The following SGCZ variants were observed in gnomAD, a reference collection of about 807,000 sequenced individuals.
SGCZ encodes sarcoglycan zeta.
Under a neutral mutation model 41.3 loss-of-function variants are expected in SGCZ, and 40 were observed. The observed-to-expected ratio is 0.97, with a 90% CI of 0.75 to 1.26. The LOEUF is 1.26. Among genes scored for constraint, SGCZ ranks in the 50% most tolerant of loss-of-function variants. SGCZ has a pLI of 0.00. For synonymous variants in SGCZ, 206 were observed against 137.5 expected, an observed-to-expected ratio of 1.50 and a Z score of -3.49; for missense variants, 552 against 369.8, an observed-to-expected ratio of 1.49 and a Z score of -4.04.
intron 1 of SGCZ, among the ~76,000 whole-genome samples, chr8:14,755,656 T>G (rs1250904683): frequency 1.3e-5 from 2 of 152,168 alleles, no homozygotes; most frequent in African/African-American, 2.4e-5. Context: ...GGTGTAGAAT[T>G]AGATATACAT....
At chr8:14,244,845 CTT>C (rs2117189230) in intron 3 of SGCZ, among the ~76,000 whole-genome samples, 1 of 152,210 alleles carries the variant, frequency 6.6e-6, no homozygotes, top group South Asian at 2.1e-4. Context: ...ATTTTATTCT[CTT>C]TGAAGCAATT....
chr8:14,870,459 A>G (rs538698027), intron 1 of SGCZ, among the ~76,000 whole-genome samples: 3 of 152,276 alleles, frequency 2.0e-5, no homozygotes, highest in Non-Finnish European at 4.4e-5. Flanking sequence ...GGACTTAAAC[A>G]TAAGACTTAA....
chr8:14,787,822 GACA>G (rs1400031098), intron 1 of SGCZ, among the ~76,000 whole-genome samples: 2 of 151,702 alleles, frequency 1.3e-5, no homozygotes, highest in Non-Finnish European at 2.9e-5. Context: ...CTCCAGCCTG[GACA>G]ACAACAGTGA....
chr8:14,868,873 C>T (rs1302707136), intron 1 of SGCZ, among the ~76,000 whole-genome samples: 1 of 152,024 alleles, frequency 6.6e-6, no homozygotes. Flanking sequence ...CACACACCCT[C>T]CCAAGGCTAA....
At chr8:14,553,079 A>T (rs1050469968) in intron 2 of SGCZ, among the ~76,000 whole-genome samples, 2 of 152,086 alleles carry the variant, frequency 1.3e-5, no homozygotes, top group African/African-American at 4.8e-5. Flanking sequence ...TGCTATTTAA[A>T]GCAGGACAAA....
chr8:14,700,616 T>G (rs1809104791), intron 1 of SGCZ, among the ~76,000 whole-genome samples: 1 of 151,946 alleles, frequency 6.6e-6, no homozygotes, highest in African/African-American at 2.4e-5. Flanking sequence ...AAAATAAAAG[T>G]TGATTCAAAA....
chr8:14,361,703 C>T (rs756896814), intron 2 of SGCZ, among the ~76,000 whole-genome samples: 17 of 152,192 alleles, frequency 1.1e-4, no homozygotes, highest in Non-Finnish European at 2.4e-4. Context: ...ACCCATTCTC[C>T]GTCCAGTTTT....
chr8:14,224,288 C>T (rs867457666), intron 4 of SGCZ, among the ~76,000 whole-genome samples: 51 of 151,818 alleles, frequency 3.4e-4, no homozygotes, highest in African/African-American at 1.2e-3. Flanking sequence ...ATGGAAATAC[C>T]AAGGGTAGAA....
intron 1 of SGCZ, among the ~76,000 whole-genome samples, chr8:15,073,092 G>T (rs946823067): frequency 6.6e-6 from 1 of 152,086 alleles, no homozygotes; most frequent in African/African-American, 2.4e-5. Flanking sequence ...ATGTCAGCAT[G>T]GGCTTCATGT....
chr8:14,567,340 A>G (rs1410255500), intron 1 of SGCZ, among the ~76,000 whole-genome samples: 2 of 152,116 alleles, frequency 1.3e-5, no homozygotes, highest in Non-Finnish European at 2.9e-5. Flanking sequence ...ATGTCTAGCT[A>G]AGGGATTGTG....
chr8:14,726,932 C>T (rs1026636654), intron 1 of SGCZ, among the ~76,000 whole-genome samples: 3 of 151,714 alleles, frequency 2.0e-5, no homozygotes, highest in Non-Finnish European at 4.4e-5. Context: ...ATGAGCTTCA[C>T]GAATCATGAA....
At chr8:14,950,138 T>G (rs575297583) in intron 1 of SGCZ, among the ~76,000 whole-genome samples, 1 of 152,188 alleles carries the variant, frequency 6.6e-6, no homozygotes, top group Admixed American at 6.5e-5. Flanking sequence ...GTAGTGTATT[T>G]TCTTTTGCAA....
chr8:14,850,805 A>C (rs1803289866), intron 1 of SGCZ, among the ~76,000 whole-genome samples: 1 of 152,074 alleles, frequency 6.6e-6, no homozygotes, highest in Non-Finnish European at 1.5e-5. Flanking sequence ...GACACCTGAC[A>C]GTTTTAAAAG....
rs61496374 is a variant in SGCZ, at chr8:14,980,522, T to A, written c.39+257063A>T. Among the ~76,000 whole-genome samples the A allele has an allele frequency of 0.013, 1,951 of 151,958 alleles. 118 individuals carry two copies. The East Asian group carries it at 0.2, about 15-fold the overall frequency. ...CTGGTCAATTTACAAAAGAAAGAGG[T>A]TTAATTGGACTTATGGTTCCATGTG... is the stretch of plus-strand genomic sequence containing the variant. On this transcript the variant is annotated intron_variant, in intron 1 of 7. Coordinates refer to ENST00000382080, the MANE Select transcript of SGCZ (RefSeq NM_139167.4).
chr8:15,087,313 T>C (rs1805985921), intron 1 of SGCZ, among the ~76,000 whole-genome samples: 1 of 152,154 alleles, frequency 6.6e-6, no homozygotes, highest in South Asian at 2.1e-4. Context: ...GGAGATGATG[T>C]GTGACTTTTC....
rs577552791 is a variant in SGCZ at position 14,744,090 on chromosome 8, G to A, written c.40-189164C>T. 2.1e-4 allele frequency among the ~76,000 whole-genome samples: 32 copies of A among 151,630 alleles called. 1 individual carries two copies. Among genetic ancestry groups the A allele is most frequent in the South Asian group, 2.1e-3 (10 of 4,822 alleles). On this transcript the variant is annotated intron_variant, in intron 1 of 7. Transcript: ENST00000382080. The stretch of plus-strand genomic sequence containing the variant: ...AGGGTTAGATGTTGGCAAGGGTTTC[G>A]TCTCTTTTAGGCTTCTCAAAAAATT...
At chr8:14,462,405 G>T (rs1468766359) in intron 2 of SGCZ, among the ~76,000 whole-genome samples, 1 of 151,836 alleles carries the variant, frequency 6.6e-6, no homozygotes, top group African/African-American at 2.4e-5. Flanking sequence ...GTGTTGTTTA[G>T]TACACTCATA....
chr8:15,036,710 G>A (rs539128427), intron 1 of SGCZ, among the ~76,000 whole-genome samples: 3 of 152,130 alleles, frequency 2.0e-5, no homozygotes, highest in Non-Finnish European at 2.9e-5. Context: ...TTGAAGAGGA[G>A]GAAATGCTTC....
chr8:14,265,260 G>T (rs1469602657), intron 3 of SGCZ, among the ~76,000 whole-genome samples: 1 of 152,096 alleles, frequency 6.6e-6, no homozygotes, highest in African/African-American at 2.4e-5. Context: ...AGATAACTTT[G>T]CCGAGAAATA....
Sources: allele counts gnomAD v4.1 joint callset (sites outside exome capture counted in the v4.1 genomes callset), GRCh38; gene constraint gnomAD v4.1.1; transcripts MANE v1.5; gene names NCBI Gene and HGNC (gene_info 2026-07-23, HGNC 2026-07-21).